ARHGAP26: variants seen among roughly 807,000 people sequenced by gnomAD.
The protein encoded by ARHGAP26 is Rho GTPase activating protein 26, also known as rho GTPase-activating protein 26.
Under a neutral mutation model 104.8 loss-of-function variants are expected in ARHGAP26, and 38 were observed. The observed-to-expected ratio is 0.36, with a 90% confidence interval of 0.28 to 0.48. The LOEUF (loss-of-function observed/expected upper bound fraction) is 0.48. ARHGAP26 is among the 20% of genes least tolerant of loss of function. The pLI, the probability that ARHGAP26 is intolerant of heterozygous loss-of-function variation, is 0.99. For synonymous variants in ARHGAP26, 341 were observed against 340.0 expected, an observed-to-expected ratio of 1.00 and a Z score of -0.03; for missense variants, 704 against 947.9, an observed-to-expected ratio of 0.74 and a Z score of 3.38.
At chr5:142,854,935 C>A (rs113220285) in intron 1 of ARHGAP26, among the ~76,000 whole-genome samples, 4,669 of 145,218 alleles carry the variant, frequency 0.032, 130 homozygotes, top group Non-Finnish European at 0.051. Context: ...GTTCAAAGGA[C>A]CCCCCAGTCC....
intron 1 of ARHGAP26, among the ~76,000 whole-genome samples, chr5:142,823,860 G>A (rs971470985): frequency 2.0e-5 from 3 of 152,152 alleles, no homozygotes; most frequent in African/African-American, 7.2e-5. Flanking sequence ...TGGGTAAAAT[G>A]ATTTGTTCTC....
Position 143,222,243 on chromosome 5 carries a change from TCATA to T in ARHGAP26, c.2192-112_2192-109del, listed in dbSNP as rs1811268222. On this transcript the variant is annotated intron_variant, in intron 22 of 22. Transcript: ENST00000645722. The stretch of plus-strand genomic sequence containing the variant: ...ATTGTACTCATTGTCCAAGCTTCCT[TCATA>T]CACACACACACACACACACACACAC... 3 of 480,794 alleles carry T rather than the reference TCATA, an allele frequency of 6.2e-6. No homozygotes were observed. The Admixed American group carries it at 1.3e-4, about 22-fold the overall frequency. The allele number at this position is 480,794 out of a possible 1,614,324, so 29.8% of individuals were successfully genotyped here.
intron 5 of ARHGAP26, among the ~76,000 whole-genome samples, chr5:142,890,151 AAT>A (rs752591382): frequency 0.025 from 821 of 32,246 alleles, 9 homozygotes; most frequent in Non-Finnish European, 0.034. Context: ...AAAAAAAAAA[AAT>A]ATATATATAT....
intron 1 of ARHGAP26, among the ~76,000 whole-genome samples, chr5:142,791,483 C>T (rs1435807047): frequency 1.3e-5 from 2 of 152,158 alleles, no homozygotes; most frequent in African/African-American, 4.8e-5. Context: ...AAGGCCAGGT[C>T]TGCTTGGCTG....
In ARHGAP26 at chr5:143,224,007, A is replaced by G. The variant is rs141033574; in HGVS notation, c.*1561A>G. On this transcript the variant is annotated 3_prime_UTR_variant, in exon 23 of 23. Transcript: ENST00000645722. ...GCTCCCCAGGAGCCCCTTGGATGGC[A>G]GCGTTGCTTCAGAGTGTTTCCTGTT... The G allele has an allele frequency of 5.8e-3, 1,335 of 231,908 alleles. 13 individuals carry two copies. The highest frequency in any genetic ancestry group is 9.1e-3 in the Non-Finnish European group (1,065 of 116,896). 14.4% of individuals were successfully genotyped at this position (231,908 alleles called of 1,614,324 possible).
intron 10 of ARHGAP26, among the ~76,000 whole-genome samples, chr5:142,920,104 A>T (rs1344970433): frequency 6.6e-6 from 1 of 152,242 alleles, no homozygotes; most frequent in Non-Finnish European, 1.5e-5. Context: ...GAAGGTTTAT[A>T]ATTTATATTG....
chr5:143,086,393 T>A lies in ARHGAP26; in HGVS notation c.1538+28646T>A, dbSNP rs148330981. On this transcript the variant is annotated intron_variant, in intron 17 of 22. Transcript: ENST00000645722. The stretch of plus-strand genomic sequence containing the variant: ...AAGCAACTTTTGCCAGCACACTTGG[T>A]TGGGTTCCTGAAGAGATGAGAAAGT... Among the ~76,000 whole-genome samples, 51 of 150,784 alleles carry A rather than the reference T, an allele frequency of 3.4e-4. No individual in the cohort carries two copies. The East Asian group carries it at 9.8e-3, about 29-fold the overall frequency.
intron 11 of ARHGAP26, among the ~76,000 whole-genome samples, chr5:142,985,423 C>A (rs1774549542): frequency 6.6e-6 from 1 of 152,156 alleles, no homozygotes; most frequent in African/African-American, 2.4e-5. Flanking sequence ...TGTTCACCCA[C>A]TAATCACTCA....
chr5:143,082,658 C>G (rs899326295), intron 17 of ARHGAP26, among the ~76,000 whole-genome samples: 1 of 152,166 alleles, frequency 6.6e-6, no homozygotes, highest in Non-Finnish European at 1.5e-5. Context: ...GAGTCTTGAG[C>G]CTATTTTGTT....
chr5:143,104,040 A>C (rs1793653097), intron 17 of ARHGAP26, among the ~76,000 whole-genome samples: 1 of 150,928 alleles, frequency 6.6e-6, no homozygotes, highest in South Asian at 2.1e-4. Flanking sequence ...AAAAAAAAAG[A>C]GAGAAATGAA....
At chr5:142,815,908 C>G (rs1765031430) in intron 1 of ARHGAP26, among the ~76,000 whole-genome samples, 1 of 152,090 alleles carries the variant, frequency 6.6e-6, no homozygotes, top group Non-Finnish European at 1.5e-5. Flanking sequence ...GATTCTCCCA[C>G]CTTAGTCTCC....
intron 1 of ARHGAP26, among the ~76,000 whole-genome samples, chr5:142,826,738 A>C (rs1415844565): frequency 6.6e-6 from 1 of 152,088 alleles, no homozygotes; most frequent in Non-Finnish European, 1.5e-5. Context: ...TTCAGCCTTA[A>C]AGCCCAGGTC....
intron 1 of ARHGAP26, among the ~76,000 whole-genome samples, chr5:142,777,604 T>C (rs1209587696): frequency 6.6e-6 from 1 of 152,248 alleles, no homozygotes; most frequent in Non-Finnish European, 1.5e-5. Context: ...TTTCAAATTA[T>C]ATATTTTTTG....
intron 11 of ARHGAP26, among the ~76,000 whole-genome samples, chr5:142,955,177 T>G (rs1769044533): frequency 6.6e-6 from 1 of 151,914 alleles, no homozygotes; most frequent in African/African-American, 2.4e-5. Flanking sequence ...GGCATGTGCC[T>G]TACTCTCAGC....
intron 1 of ARHGAP26, among the ~76,000 whole-genome samples, chr5:142,844,052 T>G (rs924855667): frequency 1.5e-4 from 16 of 103,592 alleles, no homozygotes; most frequent in Admixed American, 7.3e-4. Context: ...TAAAAGTGAG[T>G]TTTTTTTTTT....
At chr5:142,904,302 G>A (rs1388634727) in intron 8 of ARHGAP26, among the ~76,000 whole-genome samples, 1 of 151,898 alleles carries the variant, frequency 6.6e-6, no homozygotes, top group Non-Finnish European at 1.5e-5. Context: ...ACCAGCCTGG[G>A]CAACATAGTG....
intron 1 of ARHGAP26, among the ~76,000 whole-genome samples, chr5:142,867,291 GT>G (rs1754467499): frequency 5.7e-5 from 4 of 70,468 alleles, no homozygotes; most frequent in African/African-American, 3.4e-4. Context: ...TGCACAGGGT[GT>G]GTGTGTGTGT....
chr5:143,222,530 C>G lies in ARHGAP26; in HGVS notation c.*84C>G, dbSNP rs1263180996. The G allele has an allele frequency of 8.7e-7, 1 of 1,153,182 alleles. No individual in the cohort carries two copies. The highest frequency in any genetic ancestry group is 1.2e-6 in the Non-Finnish European group (1 of 829,096). The allele number at this position is 1,153,182 out of a possible 1,614,324, so 71.4% of individuals were successfully genotyped here. A position where few individuals can be genotyped will look rare whatever the true frequency, so the allele number is the denominator to read the frequency against. On this transcript the variant is annotated 3_prime_UTR_variant, in exon 23 of 23. Coordinates refer to ENST00000645722, the MANE Select transcript of ARHGAP26 (RefSeq NM_001135608.3). ...CAGTGTCGAGGCCATTTCTCTTTGC[C>G]ACTGAGAAATGCAGCGTGACTGACT...
chr5:143,158,400 A>G (rs1007506289), intron 20 of ARHGAP26, among the ~76,000 whole-genome samples: 4 of 152,308 alleles, frequency 2.6e-5, no homozygotes, highest in African/African-American at 7.2e-5. Context: ...CCCCTACCCT[A>G]TTGTTCCTCC....
Sources: gnomAD v4.1 joint callset for allele counts (sites outside exome capture counted in the v4.1 genomes callset) on GRCh38, gnomAD v4.1.1 for gene constraint, MANE v1.5 for transcripts, NCBI Gene and HGNC (gene_info 2026-07-23, HGNC 2026-07-21) for gene names.